DDR2: variants seen among roughly 807,000 people sequenced by gnomAD.
DDR2 encodes discoidin domain-containing receptor 2.
In DDR2, 27 loss-of-function variants were observed where a neutral mutation model predicts 94.9. The ratio of observed to expected loss-of-function variants is 0.28; its 90% CI spans 0.21 to 0.39. DDR2 has a LOEUF of 0.39. DDR2 is among the 10% of genes least tolerant of loss of function. DDR2 has a pLI of 1.00. For missense variants in DDR2, 783 were observed against 1,076.0 expected, an observed-to-expected ratio of 0.73 and a Z score of 3.81; for synonymous variants, 382 against 377.2, an observed-to-expected ratio of 1.01 and a Z score of -0.15.
chr1:162,664,831 AGAATGCAT>A (rs1314147024), intron 2 of DDR2, among the ~76,000 whole-genome samples: 14 of 152,334 alleles, frequency 9.2e-5, no homozygotes, highest in African/African-American at 3.4e-4. Flanking sequence ...ATTTGTTGAC[AGAATGCAT>A]TAAAAAACCT....
chr1:162,657,741 C>T (rs1233375730), intron 2 of DDR2, among the ~76,000 whole-genome samples: 2 of 152,044 alleles, frequency 1.3e-5, no homozygotes, highest in Admixed American at 6.6e-5. Flanking sequence ...CACCGACGGC[C>T]CCGTGCTTAT....
intron 3 of DDR2, among the ~76,000 whole-genome samples, chr1:162,729,057 A>G (rs1661864033): frequency 6.6e-6 from 1 of 151,624 alleles, no homozygotes; most frequent in Non-Finnish European, 1.5e-5. Flanking sequence ...TTTTGGAAGA[A>G]AAGAAAATGA....
chr1:162,633,339 G>T (rs141455353), intron 1 of DDR2, among the ~76,000 whole-genome samples: 2 of 152,302 alleles, frequency 1.3e-5, no homozygotes, highest in Non-Finnish European at 2.9e-5. Context: ...AAGGGAAAGA[G>T]AACTGTTCCC....
At chr1:162,718,956 A>C in intron 2 of DDR2, 81 bp from the exon 3 acceptor site, 1 of 1,325,258 alleles carries the variant, frequency 7.5e-7, no homozygotes, top group Non-Finnish European at 1.1e-6. Flanking sequence ...TGAGAATTGT[A>C]CTCATTCATG....
intron 2 of DDR2, among the ~76,000 whole-genome samples, chr1:162,678,731 C>A (rs376197084): frequency 6.6e-6 from 1 of 152,154 alleles, no homozygotes; most frequent in South Asian, 2.1e-4. Context: ...CAAAGTGGCA[C>A]AATTTCTAAG....
chr1:162,671,853 A>T (rs1462541124), intron 2 of DDR2, among the ~76,000 whole-genome samples: 4 of 152,196 alleles, frequency 2.6e-5, no homozygotes, highest in African/African-American at 9.7e-5. Flanking sequence ...GGTCAAAAAC[A>T]TAGTCATCTT....
intron 3 of DDR2, chr1:162,741,459 C>T (rs1244399297): frequency 7.5e-6 from 3 of 397,924 alleles, no homozygotes; most frequent in African/African-American, 6.6e-5. Context: ...GATACTCAAC[C>T]TGTATATATT....
At chr1:162,750,464 ACT>A (rs1316005369) in intron 3 of DDR2, among the ~76,000 whole-genome samples, 2 of 152,210 alleles carry the variant, frequency 1.3e-5, no homozygotes, top group African/African-American at 2.4e-5. Context: ...TTCAAGGAGA[ACT>A]ACAAACCACT....
intron 1 of DDR2, among the ~76,000 whole-genome samples, chr1:162,638,892 A>T (rs1027662333): frequency 6.6e-6 from 1 of 152,240 alleles, no homozygotes; most frequent in South Asian, 2.1e-4. Context: ...AATTAAAAAT[A>T]AGTCCTAATC....
In DDR2 at chr1:162,754,822, C is replaced by T. The variant is rs2102134823; in HGVS notation, c.384C>T (p.Arg128=). The change falls in exon 5 of 18, where the codon CGC becomes CGT. Residue 128 remains arginine (R), a synonymous_variant. Coordinates refer to ENST00000367921, the MANE Select transcript of DDR2 (RefSeq NM_006182.4). ...YKINYSRDGT[R]WISWRNRHGK... ...TCAATTACAGTCGGGATGGCACTCG[C>T]TGGATCTCTTGGCGGAACCGTCATG... 1 of 1,614,072 alleles carries T rather than the reference C, an allele frequency of 6.2e-7. No homozygotes were observed. Among genetic ancestry groups the T allele is most frequent in the Non-Finnish European group, 8.5e-7 (1 of 1,180,004 alleles).
At position 162,754,694 on chromosome 1, in the gene DDR2, T is replaced by A. The variant is rs2102133064; in HGVS notation, c.256T>A (p.Phe86Ile). 1 of 1,613,550 alleles carries A rather than the reference T, an allele frequency of 6.2e-7. No homozygotes were observed. Among genetic ancestry groups the A allele is most frequent in the East Asian group, 2.2e-5 (1 of 44,844 alleles). Residue 86 changes from phenylalanine (F) to isoleucine (I), a missense_variant, in exon 5 of 18, where the codon TTT (phenylalanine) becomes ATT (isoleucine). Transcript: ENST00000367921. ...IPVEPDDLKE[F>I]LQIDLHTLHF... is the part of the protein sequence containing the mutation. ...AGTGGAACCTGATGACCTGAAGGAGTTTCTGCAGATTGACTTGCACACCCT... is the reference window on the plus strand; with the variant it reads ...AGTGGAACCTGATGACCTGAAGGAGATTCTGCAGATTGACTTGCACACCCT...
intron 3 of DDR2, among the ~76,000 whole-genome samples, chr1:162,729,300 A>ATATATTTTTTT (rs1416872679): frequency 2.1e-5 from 2 of 94,010 alleles, no homozygotes; most frequent in African/African-American, 1.1e-4. Context: ...ATATATATAT[A>ATATATTTTTTT]TTTTTTTTTT....
chr1:162,716,669 G>C (rs973135664), intron 2 of DDR2, among the ~76,000 whole-genome samples: 4 of 150,892 alleles, frequency 2.7e-5, no homozygotes, highest in Admixed American at 1.3e-4. Context: ...ATTTGCTTTG[G>C]ATCCATCCTC....
intron 2 of DDR2, among the ~76,000 whole-genome samples, chr1:162,699,412 T>C (rs1331005471): frequency 2.0e-5 from 3 of 152,242 alleles, no homozygotes; most frequent in Non-Finnish European, 4.4e-5. Flanking sequence ...GTTTAAGGAA[T>C]AGCACTTACC....
At chr1:162,726,516 A>C (rs1661673321) in intron 3 of DDR2, among the ~76,000 whole-genome samples, 1 of 152,132 alleles carries the variant, frequency 6.6e-6, no homozygotes, top group African/African-American at 2.4e-5. Flanking sequence ...TAGTTGTAAA[A>C]GGCAGTCAGA....
chr1:162,753,157 T>C lies in DDR2; in HGVS notation c.145T>C (p.Ser49Pro). The C allele has an allele frequency of 6.2e-7, 1 of 1,613,640 alleles. No individual in the cohort carries two copies. Among genetic ancestry groups the C allele is most frequent in the East Asian group, 2.2e-5 (1 of 44,852 alleles). The change falls in exon 4 of 18, where the codon TCC (serine) becomes CCC (proline). Residue 49 changes from serine (S) to proline (P), a missense_variant. Ser to Pro is a moderately conservative substitution (Grantham distance 74). Transcript: ENST00000367921. Reference protein sequence around the residue: ...GQIPDEDITASSQWSESTAAK... With the variant: ...GQIPDEDITAPSQWSESTAAK... ...GATTCCAGATGAGGACATCACAGCTTCCAGTCAGTGGTCAGAGTCCACAGC... is the reference window on the plus strand; with the variant it reads ...GATTCCAGATGAGGACATCACAGCTCCCAGTCAGTGGTCAGAGTCCACAGC...
In DDR2 at chr1:162,730,932, CA is replaced by C. The variant is rs112577111; in HGVS notation, c.82+11790del. Among the ~76,000 whole-genome samples the C allele has an allele frequency of 4.8e-3, 734 of 152,292 alleles. 7 individuals are homozygous for C. Among genetic ancestry groups the C allele is most frequent in the African/African-American group, 0.017 (715 of 41,550 alleles). Reference sequence around the variant, plus strand: ...TCCCGTAGAGACCGTCTGCTAGTGCCAAACCCGGAGTCGGCCTCCTGCCCCT... The same window carrying C: ...TCCCGTAGAGACCGTCTGCTAGTGCCAACCCGGAGTCGGCCTCCTGCCCCT... On this transcript the variant is annotated intron_variant, in intron 3 of 17. Transcript: ENST00000367921.
intron 3 of DDR2, among the ~76,000 whole-genome samples, chr1:162,720,716 A>C (rs937466059): frequency 5.9e-5 from 9 of 152,120 alleles, no homozygotes; most frequent in African/African-American, 2.2e-4. Context: ...TATTCTGCAT[A>C]ATACCAAAAA....
intron 1 of DDR2, among the ~76,000 whole-genome samples, chr1:162,650,845 C>A (rs1296211280): frequency 6.6e-6 from 1 of 151,994 alleles, no homozygotes; most frequent in Non-Finnish European, 1.5e-5. Context: ...CATGTCTCAG[C>A]CTCCCAAGTA....
Sources: allele counts gnomAD v4.1 joint callset (sites outside exome capture counted in the v4.1 genomes callset), GRCh38; gene constraint gnomAD v4.1.1; transcripts MANE v1.5; gene names NCBI Gene and HGNC (gene_info 2026-07-23, HGNC 2026-07-21).